The following ADAMTS12 variants were observed in gnomAD, a reference collection of about 807,000 sequenced individuals.
ADAMTS12 encodes the protein ADAM metallopeptidase with thrombospondin type 1 motif 12, also known as A disintegrin and metalloproteinase with thrombospondin motifs 12.
A neutral mutation model predicts 167.8 loss-of-function variants in ADAMTS12; 118 were observed. The ratio of observed to expected loss-of-function variants is 0.70; its 90% confidence interval spans 0.61 to 0.82. The LOEUF (loss-of-function observed/expected upper bound fraction) is 0.82. Ranked by LOEUF, ADAMTS12 falls within the 40% of genes least tolerant of loss-of-function variation. ADAMTS12 has a pLI of 0.00. For missense variants in ADAMTS12, 1,916 were observed against 1,998.8 expected (o/e 0.96, Z 0.79); for synonymous variants, 704 against 716.9 (o/e 0.98, Z 0.29).
chr5:33,874,452 G>A (rs550889698), intron 2 of ADAMTS12, among the ~76,000 whole-genome samples: 60 of 152,292 alleles, frequency 3.9e-4, no homozygotes, highest in African/African-American at 1.4e-3. Context: ...AAGATATGGA[G>A]CAATAGGAAC....
chr5:33,703,009 C>A (rs1437815179), intron 3 of ADAMTS12, among the ~76,000 whole-genome samples: 1 of 152,160 alleles, frequency 6.6e-6, no homozygotes, highest in Non-Finnish European at 1.5e-5. Context: ...CTTGATGATA[C>A]CCCACTCCTC....
intron 3 of ADAMTS12, among the ~76,000 whole-genome samples, chr5:33,741,294 T>C (rs972526420): frequency 2.0e-5 from 3 of 152,124 alleles, no homozygotes; most frequent in African/African-American, 7.2e-5. Context: ...CTAGATAAGG[T>C]ATCTGAAGGT....
intron 3 of ADAMTS12, among the ~76,000 whole-genome samples, chr5:33,729,728 A>G (rs1317076272): frequency 6.6e-6 from 1 of 152,192 alleles, no homozygotes; most frequent in African/African-American, 2.4e-5. Flanking sequence ...GGGATGCTGG[A>G]GACTGGCAGG....
chr5:33,651,756 G>A (rs928333388), intron 7 of ADAMTS12, among the ~76,000 whole-genome samples: 2 of 152,198 alleles, frequency 1.3e-5, no homozygotes, highest in African/African-American at 2.4e-5. Context: ...AATGGTGAAC[G>A]TTGTACCCAG....
In ADAMTS12 at chr5:33,683,066, A is replaced by G. The variant is rs1454348276; in HGVS notation, c.867T>C (p.Asn289=). 1.9e-6 allele frequency: 3 copies of G among 1,613,610 alleles called. No homozygotes were observed. In the Admixed American group the frequency reaches 5.0e-5, roughly 27 times the overall value. Residue 289 remains asparagine (N), a synonymous_variant, in exon 5 of 24, where the codon AAT becomes AAC. Transcript: ENST00000504830. Reference sequence around the variant, plus strand: ...GCCGAACCACAACAATGTGAATTGCATTGCCAATGCTTGGGTTATGGAACA... The same window carrying G: ...GCCGAACCACAACAATGTGAATTGCGTTGCCAATGCTTGGGTTATGGAACA... ...TGLFHNPSIG[N]AIHIVVVRLI...
intron 23 of ADAMTS12, among the ~76,000 whole-genome samples, chr5:33,533,790 TCA>T (rs1170706805): frequency 6.6e-6 from 1 of 152,122 alleles, no homozygotes. Flanking sequence ...ACTAGATAAT[TCA>T]CAGACTCCTT....
chr5:33,746,697 T>C (rs1744799728), intron 3 of ADAMTS12, among the ~76,000 whole-genome samples: 1 of 152,218 alleles, frequency 6.6e-6, no homozygotes, highest in Non-Finnish European at 1.5e-5. Flanking sequence ...GCAGTCCCCG[T>C]TATTCAATCA....
intron 1 of ADAMTS12, among the ~76,000 whole-genome samples, chr5:33,884,821 G>T (rs1391147461): frequency 1.3e-5 from 2 of 152,146 alleles, no homozygotes; most frequent in Non-Finnish European, 2.9e-5. Flanking sequence ...AGTCCCATTT[G>T]AATACCCTGT....
chr5:33,826,588 A>G (rs1477353), intron 2 of ADAMTS12, among the ~76,000 whole-genome samples: 107 of 29,846 alleles, frequency 3.6e-3, no homozygotes, highest in African/African-American at 6.0e-3. Context: ...GTGTGTGTGT[A>G]TATATATATA....
intron 23 of ADAMTS12, among the ~76,000 whole-genome samples, chr5:33,528,680 T>C (rs1469713775): frequency 1.3e-5 from 2 of 152,266 alleles, no homozygotes; most frequent in Non-Finnish European, 2.9e-5. Flanking sequence ...ACAGGCAGTC[T>C]TAACTCTAGA....
At chr5:33,889,002 G>C (rs899460560) in intron 1 of ADAMTS12, among the ~76,000 whole-genome samples, 2 of 152,168 alleles carry the variant, frequency 1.3e-5, no homozygotes, top group African/African-American at 2.4e-5. Context: ...GAACTAGAAG[G>C]AACCTAAAAG....
intron 5 of ADAMTS12, among the ~76,000 whole-genome samples, chr5:33,664,202 G>A (rs1308515434): frequency 6.6e-6 from 1 of 152,056 alleles, no homozygotes; most frequent in Non-Finnish European, 1.5e-5. Flanking sequence ...CCAGGCCTCA[G>A]GTTAGCTAAA....
intron 3 of ADAMTS12, 121 bp from the exon 4 acceptor site, chr5:33,684,176 T>G (rs1742238749): frequency 2.7e-6 from 2 of 737,650 alleles, no homozygotes; most frequent in African/African-American, 1.8e-5. Flanking sequence ...AACGCAATGT[T>G]TTTACGTACA....
At chr5:33,726,023 G>A (rs1743968666) in intron 3 of ADAMTS12, among the ~76,000 whole-genome samples, 1 of 152,192 alleles carries the variant, frequency 6.6e-6, no homozygotes, top group Non-Finnish European at 1.5e-5. Context: ...CAGAGAGGCT[G>A]AGTCATTTGC....
chr5:33,769,084 C>G (rs1745648903), intron 2 of ADAMTS12, among the ~76,000 whole-genome samples: 1 of 151,646 alleles, frequency 6.6e-6, no homozygotes, highest in Non-Finnish European at 1.5e-5. Flanking sequence ...CAGAAAGAAC[C>G]AGAGAGATGG....
Position 33,598,420 on chromosome 5 carries a change from A to G in ADAMTS12, c.2528-2360T>C, listed in dbSNP as rs572540355. 9.8e-5 allele frequency among the ~76,000 whole-genome samples: 15 copies of G among 152,376 alleles called. 1 individual carries two copies. The South Asian group carries it at 3.1e-3, about 32-fold the overall frequency. On this transcript the variant is annotated intron_variant, in intron 16 of 23. Coordinates refer to ENST00000504830, the MANE Select transcript of ADAMTS12 (RefSeq NM_030955.4). ...TTAAATAAAAAAAAGAAAAGAAAAC[A>G]AATAGAATCCAAGCGTCCTGAGTTC... is the stretch of plus-strand genomic sequence containing the variant.
chr5:33,862,218 C>CA (rs1749644805), intron 2 of ADAMTS12, among the ~76,000 whole-genome samples: 2 of 151,914 alleles, frequency 1.3e-5, no homozygotes, highest in South Asian at 2.1e-4. Context: ...AAAAACCTTT[C>CA]AAAAAATCAA....
chr5:33,849,883 A>T (rs1208758002), intron 2 of ADAMTS12, among the ~76,000 whole-genome samples: 1 of 151,718 alleles, frequency 6.6e-6, no homozygotes, highest in Non-Finnish European at 1.5e-5. Context: ...TGTATTGCAT[A>T]GCATATTATA....
intron 2 of ADAMTS12, among the ~76,000 whole-genome samples, chr5:33,844,268 G>A (rs1748858824): frequency 6.6e-6 from 1 of 152,220 alleles, no homozygotes; most frequent in South Asian, 2.1e-4. Context: ...GCAGTGTTCA[G>A]GGAACAAGAG....
Sources: gnomAD v4.1 joint callset for allele counts (sites outside exome capture counted in the v4.1 genomes callset) on GRCh38, gnomAD v4.1.1 for gene constraint, MANE v1.5 for transcripts, NCBI Gene and HGNC (gene_info 2026-07-23, HGNC 2026-07-21) for gene names.